The following GATAD2A variants were observed in gnomAD, a reference collection of about 807,000 sequenced individuals.
The protein encoded by GATAD2A is transcriptional repressor p66-alpha.
In GATAD2A, 12 loss-of-function variants were observed where a neutral mutation model predicts 68.5. The ratio of observed to expected loss-of-function variants is 0.18; its 90% confidence interval spans 0.11 to 0.28. The LOEUF (loss-of-function observed/expected upper bound fraction) is 0.28. Among genes scored for constraint, GATAD2A ranks in the 10% least tolerant of loss-of-function variants. The pLI, the probability that GATAD2A is intolerant of heterozygous loss-of-function variation, is 1.00. For missense variants in GATAD2A, 755 were observed against 868.5 expected, an observed-to-expected ratio of 0.87 and a Z score of 1.64; for synonymous variants, 410 against 375.3, an observed-to-expected ratio of 1.09 and a Z score of -1.07.
intron 1 of GATAD2A, among the ~76,000 whole-genome samples, chr19:19,446,623 G>A (rs772171254): frequency 2.6e-5 from 4 of 151,934 alleles, no homozygotes; most frequent in African/African-American, 7.3e-5. Context: ...TTTTTCTCCT[G>A]TGTTTTTTCT....
Position 19,426,923 on chromosome 19 carries a change from C to A in GATAD2A, c.-7+20904C>A, listed in dbSNP as rs188152077. Among the ~76,000 whole-genome samples, 34 of 152,290 alleles carry A rather than the reference C, an allele frequency of 2.2e-4. 1 individual carries two copies. The East Asian group carries it at 5.4e-3, about 24-fold the overall frequency. On this transcript the variant is annotated intron_variant, in intron 1 of 11. Transcript: ENST00000683918. ...TGGGGAGCAGAGTTTCAGAACCATG[C>A]TTTGTTTGGCACCATGGGTATACCA... is the stretch of plus-strand genomic sequence containing the variant.
intron 2 of GATAD2A, among the ~76,000 whole-genome samples, chr19:19,486,148 C>T (rs951350498): frequency 6.6e-6 from 1 of 152,216 alleles, no homozygotes; most frequent in Non-Finnish European, 1.5e-5. Context: ...TGTGAATGTT[C>T]AGGTGTCACA....
At chr19:19,417,168 G>GA (rs2051751784) in intron 1 of GATAD2A, among the ~76,000 whole-genome samples, 1 of 152,234 alleles carries the variant, frequency 6.6e-6, no homozygotes, top group African/African-American at 2.4e-5. Flanking sequence ...ACCACACAGT[G>GA]AAGTGACTGG....
intron 1 of GATAD2A, among the ~76,000 whole-genome samples, chr19:19,412,605 C>G (rs1019132907): frequency 6.6e-6 from 1 of 152,028 alleles, no homozygotes; most frequent in South Asian, 2.1e-4. Flanking sequence ...GCACTCCAGC[C>G]TGGGCGACAG....
chr19:19,405,655 G>GGCCCCGCCCCTCGGTCGCCCC (rs939792243), upstream of GATAD2A: 5 of 151,790 alleles, frequency 3.3e-5, no homozygotes, highest in Non-Finnish European at 7.4e-5. Context: ...CTTCTCGTCA[G>GGCCCCGCCCCTCGGTCGCCCC]GCCCCGCCCC....
At chr19:19,461,411 G>C (rs28720066) in intron 1 of GATAD2A, among the ~76,000 whole-genome samples, 13 of 152,122 alleles carry the variant, frequency 8.5e-5, no homozygotes, top group African/African-American at 3.1e-4. Context: ...GGTGCCTTCT[G>C]TTTGTCCCCC....
chr19:19,447,870 CT>C (rs1378490737), intron 1 of GATAD2A, among the ~76,000 whole-genome samples: 1 of 152,220 alleles, frequency 6.6e-6, no homozygotes, highest in Non-Finnish European at 1.5e-5. Flanking sequence ...CTTCCAGGAA[CT>C]GAGAAGGCTT....
intron 1 of GATAD2A, among the ~76,000 whole-genome samples, chr19:19,387,581 A>G (rs1027293124): frequency 2.0e-5 from 3 of 151,792 alleles, no homozygotes; most frequent in African/African-American, 4.8e-5. Context: ...GGCCTCCCAC[A>G]GTGTTGGGAT....
At chr19:19,474,813 G>T (rs2058558507) in intron 2 of GATAD2A, among the ~76,000 whole-genome samples, 1 of 152,208 alleles carries the variant, frequency 6.6e-6, no homozygotes, top group African/African-American at 2.4e-5. Flanking sequence ...CACAGGTGTG[G>T]CAGTCCAGCA....
At chr19:19,454,465 G>T (rs1036989902) in intron 1 of GATAD2A, among the ~76,000 whole-genome samples, 1 of 151,878 alleles carries the variant, frequency 6.6e-6, no homozygotes, top group Non-Finnish European at 1.5e-5. Context: ...TGGGTGTGTT[G>T]GCACCCACCT....
chr19:19,469,515 CTG>C (rs2058116616), intron 2 of GATAD2A, among the ~76,000 whole-genome samples: 1 of 151,820 alleles, frequency 6.6e-6, no homozygotes. Flanking sequence ...TCTTTATTCA[CTG>C]AGAAATAAAG....
Position 19,506,208 on chromosome 19 carries a change from C to T in GATAD2A, c.*734C>T, listed in dbSNP as rs34667451. 61,338 of 398,468 alleles carry T rather than the reference C, an allele frequency of 0.15. 5,248 individuals carry two copies. The highest frequency in any genetic ancestry group is 0.27 in the Middle Eastern group (421 of 1,586). 24.7% of individuals were successfully genotyped at this position (398,468 alleles called of 1,614,324 possible). On this transcript the variant is annotated 3_prime_UTR_variant, in exon 12 of 12. Coordinates refer to ENST00000683918, the MANE Select transcript of GATAD2A (RefSeq NM_001384528.1). ...CTGAACGCCTCCATTGCTGCTTGTT[C>T]TGGAGACCCCCGCCCCCGCACCTTC...
At chr19:19,493,610 T>G (rs1391377389) in intron 4 of GATAD2A, among the ~76,000 whole-genome samples, 1 of 152,186 alleles carries the variant, frequency 6.6e-6, no homozygotes, top group Non-Finnish European at 1.5e-5. Context: ...TCCAAGTACT[T>G]TAGTCATTGC....
At chr19:19,416,633 C>T (rs1263548597) in intron 1 of GATAD2A, among the ~76,000 whole-genome samples, 1 of 152,074 alleles carries the variant, frequency 6.6e-6, no homozygotes, top group African/African-American at 2.4e-5. Context: ...GGGAGCTGCT[C>T]TACTCTGTTG....
At chr19:19,400,822 A>C (rs578206775), upstream of GATAD2A, among the ~76,000 whole-genome samples, 2 of 152,216 alleles carry the variant, frequency 1.3e-5, no homozygotes, top group South Asian at 4.1e-4. Flanking sequence ...AATGAAAACA[A>C]TTTTAAACTT....
intron 1 of GATAD2A, chr19:19,457,335 C>G (rs1317026788): frequency 4.9e-6 from 3 of 610,762 alleles, no homozygotes; most frequent in Non-Finnish European, 6.2e-6. Context: ...AGTCTAGATT[C>G]AGTCTTGCCT....
intron 1 of GATAD2A, among the ~76,000 whole-genome samples, chr19:19,457,597 C>T (rs762751068): frequency 5.9e-5 from 9 of 151,984 alleles, no homozygotes; most frequent in East Asian, 1.9e-4. Flanking sequence ...AAAAATTAGC[C>T]GGGCGTGGTG....
At position 19,439,840 on chromosome 19, in the gene GATAD2A, C is replaced by T. The variant is rs75059995; in HGVS notation, c.-6-25500C>T. On this transcript the variant is annotated intron_variant, in intron 1 of 11. Transcript: ENST00000683918. The stretch of plus-strand genomic sequence containing the variant: ...TCCAGCATGGGTGACAAAGTGAGAC[C>T]GTATCTCAAAAAACAAACAAACAAA... Among the ~76,000 whole-genome samples the T allele has an allele frequency of 9.9e-4, 150 of 151,874 alleles. 4 individuals are homozygous for T. In the East Asian group the frequency reaches 0.025, roughly 25 times the overall value.
intron 1 of GATAD2A, among the ~76,000 whole-genome samples, chr19:19,425,609 A>T (rs987049400): frequency 2.6e-5 from 4 of 152,236 alleles, no homozygotes; most frequent in Admixed American, 1.3e-4. Context: ...CTCTTGTTCC[A>T]GTTGGGTACC....
Sources: gnomAD v4.1 joint callset for allele counts (sites outside exome capture counted in the v4.1 genomes callset) on GRCh38, gnomAD v4.1.1 for gene constraint, MANE v1.5 for transcripts, NCBI Gene and HGNC (gene_info 2026-07-23, HGNC 2026-07-21) for gene names.